MAP3K5: variants seen among roughly 807,000 people sequenced by gnomAD.
MAP3K5 encodes the protein ASK-1.
In MAP3K5, 56 loss-of-function variants were observed where a neutral mutation model predicts 158.7. The observed-to-expected ratio is 0.35, with a 90% CI of 0.28 to 0.44. The LOEUF is 0.44. Ranked by LOEUF, MAP3K5 falls within the 20% of genes least tolerant of loss-of-function variation. The pLI is 1.00. For synonymous variants in MAP3K5, 579 were observed against 601.7 expected (o/e 0.96, Z 0.55); for missense variants, 1,294 against 1,674.8 (o/e 0.77, Z 3.97).
intron 11 of MAP3K5, among the ~76,000 whole-genome samples, chr6:136,644,921 C>A (rs1461085396): frequency 6.6e-6 from 1 of 152,108 alleles, no homozygotes; most frequent in Non-Finnish European, 1.5e-5. Flanking sequence ...AATCCTGATG[C>A]TGAAACTACC....
At chr6:136,668,134 G>A (rs919750912) in intron 8 of MAP3K5, among the ~76,000 whole-genome samples, 1 of 151,594 alleles carries the variant, frequency 6.6e-6, no homozygotes, top group African/African-American at 2.4e-5. Flanking sequence ...TGTAATACCA[G>A]TACTTTGGGA....
rs1219090242 is a variant in MAP3K5 at position 136,697,361 on chromosome 6, T to C, written c.833A>G (p.Asn278Ser). ...SSQYFRESILNDIRKARNLYT... is the reference protein window; with the variant it reads ...SSQYFRESILSDIRKARNLYT... ...TAAATTACGAGCTTTCCTGATGTCATTGAGTATAGATTCCCGGAAGTACTG... is the reference window on the plus strand; with the variant it reads ...TAAATTACGAGCTTTCCTGATGTCACTGAGTATAGATTCCCGGAAGTACTG... Residue 278 changes from asparagine (N) to serine (S), a missense_variant, in exon 5 of 30, where the codon AAT (asparagine) becomes AGT (serine). Physicochemically the swap from Asn to Ser is conservative, Grantham distance 46. This residue lies in a region of MAP3K5 where 690 missense variants were observed against 870.5 expected (regional missense o/e 0.79). Transcript: ENST00000359015. 8.7e-6 allele frequency: 14 copies of C among 1,612,430 alleles called. No individual in the cohort carries two copies. The highest frequency in any genetic ancestry group is 1.6e-4 in the Middle Eastern group (1 of 6,078).
At chr6:136,733,032 C>T (rs759747067) in intron 1 of MAP3K5, among the ~76,000 whole-genome samples, 2 of 152,184 alleles carry the variant, frequency 1.3e-5, no homozygotes, top group Non-Finnish European at 2.9e-5. Flanking sequence ...CAGGGTCTTG[C>T]TCTGTTACCC....
intron 15 of MAP3K5, among the ~76,000 whole-genome samples, chr6:136,619,381 A>G (rs1368106838): frequency 6.6e-6 from 1 of 152,232 alleles, no homozygotes; most frequent in Admixed American, 6.5e-5. Context: ...ATAAGAATCC[A>G]CTGAAGGGTT....
chr6:136,567,588 A>G, intron 26 of MAP3K5, 43 bp downstream of exon 26: 1 of 1,560,140 alleles, frequency 6.4e-7, no homozygotes, highest in Non-Finnish European at 8.7e-7. Context: ...TCTTTAGTAA[A>G]AGTAAAAGAA....
chr6:136,573,982 G>C (rs1774483900), intron 25 of MAP3K5, among the ~76,000 whole-genome samples: 1 of 151,226 alleles, frequency 6.6e-6, no homozygotes, highest in African/African-American at 2.4e-5. Flanking sequence ...CCAGGCTGGA[G>C]TGCAGTGGCA....
intron 19 of MAP3K5, among the ~76,000 whole-genome samples, chr6:136,604,349 G>GA (rs1562539522): frequency 6.8e-6 from 1 of 146,876 alleles, no homozygotes; most frequent in Non-Finnish European, 1.5e-5. Flanking sequence ...AAGAAAGAAA[G>GA]AAAAAAAGAA....
At chr6:136,568,005 A>G in intron 25 of MAP3K5, 131 bp from the exon 26 acceptor site, 2 of 970,382 alleles carry the variant, frequency 2.1e-6, no homozygotes, top group Non-Finnish European at 3.0e-6. Context: ...TCCAAAAGTG[A>G]GGATGGATTT....
At chr6:136,747,698 G>A (rs1278397627) in intron 1 of MAP3K5, among the ~76,000 whole-genome samples, 1 of 152,158 alleles carries the variant, frequency 6.6e-6, no homozygotes, top group Non-Finnish European at 1.5e-5. Flanking sequence ...GAATCACCAG[G>A]ATATTGTGTC....
intron 1 of MAP3K5, among the ~76,000 whole-genome samples, chr6:136,722,583 A>G (rs12525244): frequency 4.3e-4 from 65 of 151,756 alleles, no homozygotes; most frequent in African/African-American, 1.3e-3. Context: ...TTGCCTAAGA[A>G]GTGGGCAAAG....
chr6:136,789,991 C>A (rs1378751425), intron 1 of MAP3K5, among the ~76,000 whole-genome samples: 1 of 152,126 alleles, frequency 6.6e-6, no homozygotes, highest in African/African-American at 2.4e-5. Context: ...CACGCCTGGC[C>A]CAAGCACAAC....
At chr6:136,590,884 C>A (rs6935420) in intron 23 of MAP3K5, among the ~76,000 whole-genome samples, 215 of 152,224 alleles carry the variant, frequency 1.4e-3, no homozygotes, top group African/African-American at 4.9e-3. Context: ...ACCTGGGGTA[C>A]TCTGGTGATA....
chr6:136,614,745 A>G (rs1200066158), intron 15 of MAP3K5, among the ~76,000 whole-genome samples: 2 of 152,202 alleles, frequency 1.3e-5, no homozygotes, highest in Admixed American at 6.5e-5. Context: ...AAACTTTACT[A>G]TTACAATTTA....
chr6:136,699,980 G>C lies in MAP3K5; in HGVS notation c.613-1298C>G, dbSNP rs116077244. Among the ~76,000 whole-genome samples, 1,290 of 152,180 alleles carry C rather than the reference G, an allele frequency of 8.5e-3. 12 individuals carry two copies. Among genetic ancestry groups the C allele is most frequent in the African/African-American group, 0.029 (1,192 of 41,516 alleles). ...GGGGTGGTGCACGCCCTTAATCCCAGCTACTCAGGAGGCTGAGGTGCGAGA... is the reference window on the plus strand; with the variant it reads ...GGGGTGGTGCACGCCCTTAATCCCACCTACTCAGGAGGCTGAGGTGCGAGA... On this transcript the variant is annotated intron_variant, in intron 3 of 29. Coordinates refer to ENST00000359015, the MANE Select transcript of MAP3K5 (RefSeq NM_005923.4).
At chr6:136,681,102 T>C (rs1779914698) in intron 7 of MAP3K5, among the ~76,000 whole-genome samples, 1 of 152,294 alleles carries the variant, frequency 6.6e-6, no homozygotes, top group East Asian at 1.9e-4. Context: ...TGTTAAAAAA[T>C]TCCCTAAGCA....
intron 1 of MAP3K5, among the ~76,000 whole-genome samples, chr6:136,759,216 TA>T (rs1400165171): frequency 1.3e-5 from 2 of 151,990 alleles, no homozygotes; most frequent in Non-Finnish European, 2.9e-5. Context: ...AATGTTACTC[TA>T]TATAGCCTTA....
At chr6:136,617,685 G>GTGGTT (rs1776625575) in intron 15 of MAP3K5, among the ~76,000 whole-genome samples, 1 of 152,158 alleles carries the variant, frequency 6.6e-6, no homozygotes, top group African/African-American at 2.4e-5. Context: ...TGTAATCCCA[G>GTGGTT]CACTTTGGGA....
At chr6:136,751,640 C>G (rs1417250584) in intron 1 of MAP3K5, among the ~76,000 whole-genome samples, 1 of 152,162 alleles carries the variant, frequency 6.6e-6, no homozygotes, top group Non-Finnish European at 1.5e-5. Flanking sequence ...TGACCTCAGC[C>G]TAGAAAAACT....
chr6:136,781,989 G>A (rs914704968), intron 1 of MAP3K5, among the ~76,000 whole-genome samples: 2 of 151,478 alleles, frequency 1.3e-5, no homozygotes, highest in Non-Finnish European at 1.5e-5. Context: ...GCAGGGGCAG[G>A]TGAATTGCTT....
Sources: gnomAD v4.1 joint callset for allele counts (sites outside exome capture counted in the v4.1 genomes callset) on GRCh38, gnomAD v4.1.1 for gene constraint, gnomAD v4.1.1 regional missense constraint, MANE v1.5 for transcripts, NCBI Gene and HGNC (gene_info 2026-07-23, HGNC 2026-07-21) for gene names.